DCLK3: variants seen among roughly 807,000 people sequenced by gnomAD.
DCLK3 encodes serine/threonine-protein kinase DCLK3.
DCLK3 carries 30 observed loss-of-function variants against 46.4 expected under a neutral mutation model. The ratio of observed to expected loss-of-function variants is 0.65; its 90% CI spans 0.48 to 0.88. The LOEUF is 0.88. Among genes scored for constraint, DCLK3 ranks in the 40% least tolerant of loss-of-function variants. The pLI, the probability that DCLK3 is intolerant of heterozygous loss-of-function variation, is 0.00. For synonymous variants in DCLK3, 401 were observed against 339.2 expected, an observed-to-expected ratio of 1.18 and a Z score of -2.00; for missense variants, 846 against 907.1, an observed-to-expected ratio of 0.93 and a Z score of 0.87.
intron 2 of DCLK3, among the ~76,000 whole-genome samples, chr3:36,730,159 G>T (rs1421037582): frequency 6.6e-6 from 1 of 151,080 alleles, no homozygotes; most frequent in African/African-American, 2.4e-5. Flanking sequence ...GACAGAGTCA[G>T]ACTGTCTCAA....
In DCLK3 at chr3:36,737,726, T is replaced by C. The variant is rs929586893; in HGVS notation, c.1441A>G (p.Thr481Ala). Reference sequence around the variant, plus strand: ...TTTGCAGGTTGGTCATCTCTGAGAGTCATCCTTCTGCCTCCAGACATACAT... The same window carrying C: ...TTTGCAGGTTGGTCATCTCTGAGAGCCATCCTTCTGCCTCCAGACATACAT... ...KPCMSGGRRM[T>A]LRDDQPAKLE... Residue 481 changes from threonine (T) to alanine (A), a missense_variant, in exon 2 of 5, where the codon ACT becomes GCT. By Grantham distance (58) the Thr-to-Ala change is moderately conservative (BLOSUM62 0). This residue lies in a region of DCLK3 where 553 missense variants were observed against 543.0 expected (regional missense o/e 1.02). Transcript: ENST00000636136. This position sits in a 1 kb window ranked among gnomAD's most constrained non-coding sequence, Gnocchi z 4.4. The C allele has an allele frequency of 6.8e-6, 11 of 1,613,978 alleles. No individual in the cohort carries two copies. The highest frequency in any genetic ancestry group is 9.3e-6 in the Non-Finnish European group (11 of 1,180,026).
chr3:36,722,060 C>G (rs1701068255), intron 2 of DCLK3, among the ~76,000 whole-genome samples: 1 of 152,128 alleles, frequency 6.6e-6, no homozygotes, highest in Admixed American at 6.5e-5. Flanking sequence ...GGCTATTAGA[C>G]AGCATTGACT....
Position 36,737,709 on chromosome 3 carries a change from T to G in DCLK3, c.1458A>C (p.Gln486His). Residue 486 changes from glutamine (Q) to histidine (H), a missense_variant, in exon 2 of 5, where the codon CAA becomes CAC. By Grantham distance (24) the Gln-to-His change is conservative. Coordinates refer to ENST00000636136, the MANE Select transcript of DCLK3 (RefSeq NM_001394672.2). This position sits in a 1 kb window ranked among gnomAD's most constrained non-coding sequence, Gnocchi z 4.4. ...GGRRMTLRDD[Q>H]PAKLEKEPKT... Reference sequence around the variant, plus strand: ...TGGGCTCCTTTTCTAGCTTTGCAGGTTGGTCATCTCTGAGAGTCATCCTTC... The same window carrying G: ...TGGGCTCCTTTTCTAGCTTTGCAGGGTGGTCATCTCTGAGAGTCATCCTTC... 1 of 1,614,004 alleles carries G rather than the reference T, an allele frequency of 6.2e-7. No individual in the cohort carries two copies. Among genetic ancestry groups the G allele is most frequent in the Non-Finnish European group, 8.5e-7 (1 of 1,179,994 alleles).
rs1701059298 is a variant in DCLK3, at chr3:36,721,634, G to T, written c.1985C>A (p.Thr662Asn). 1 of 1,614,128 alleles carries T rather than the reference G, an allele frequency of 6.2e-7. No homozygotes were observed. The change falls in exon 3 of 5, where the codon ACT becomes AAT. Residue 662 changes from threonine (T) to asparagine (N), a missense_variant. Thr to Asn is a moderately conservative substitution (Grantham distance 65, BLOSUM62 0). Coordinates refer to ENST00000636136, the MANE Select transcript of DCLK3 (RefSeq NM_001394672.2). The part of the protein sequence containing the change: ...LLVQRNEDKS[T>N]TLKLADFGLA... ...TCCAAAATCAGCCAATTTCAAGGTA[G>T]TAGATTTGTCCTCATTTCGCTGAAC...
intron 1 of DCLK3, 76 bp from the exon 2 acceptor site, chr3:36,739,160 T>C (rs1449845936): frequency 7.5e-6 from 3 of 397,576 alleles, no homozygotes; most frequent in South Asian, 1.4e-4. Flanking sequence ...AAAACTTTAC[T>C]AAAGATGACT....
chr3:36,758,304 T>C (rs916838697), intron 1 of DCLK3, among the ~76,000 whole-genome samples: 1 of 152,240 alleles, frequency 6.6e-6, no homozygotes, highest in South Asian at 2.1e-4. Flanking sequence ...TGCTACCACA[T>C]AATTTCACCA....
At chr3:36,721,098 G>A (rs886590504) in intron 3 of DCLK3, among the ~76,000 whole-genome samples, 1 of 152,176 alleles carries the variant, frequency 6.6e-6, no homozygotes, top group South Asian at 2.1e-4. Flanking sequence ...GTTCATGGAG[G>A]AAAATGGGAT....
At chr3:36,730,614 T>C (rs1701188200) in intron 2 of DCLK3, among the ~76,000 whole-genome samples, 1 of 152,112 alleles carries the variant, frequency 6.6e-6, no homozygotes, top group Non-Finnish European at 1.5e-5. Context: ...TAAGTACACA[T>C]GGCTATTGGT....
rs1412569099 is a variant in DCLK3, at chr3:36,714,446, T to C, written c.*882A>G. The stretch of plus-strand genomic sequence containing the variant: ...TTTCAGCACAGAAATCTGGAATGTG[T>C]CCTGGGTGTATGCCCTGCAGGTAGG... On this transcript the variant is annotated 3_prime_UTR_variant, in exon 5 of 5. Coordinates refer to ENST00000636136, the MANE Select transcript of DCLK3 (RefSeq NM_001394672.2). The C allele has an allele frequency of 6.6e-6, 1 of 152,226 alleles. No homozygotes were observed. Among genetic ancestry groups the C allele is most frequent in the Non-Finnish European group, 1.5e-5 (1 of 68,046 alleles). The allele number at this position is 152,226 out of a possible 1,614,324, so 9.4% of individuals were successfully genotyped here. A position where few individuals can be genotyped will look rare whatever the true frequency, so the allele number is the denominator to read the frequency against.
At position 36,737,642 on chromosome 3, in the gene DCLK3, G is replaced by C. The variant is rs1265565429; in HGVS notation, c.1525C>G (p.Arg509Gly). ...EENKPERPSGRKPRPMGIIAA... is the reference protein window; with the variant it reads ...EENKPERPSGGKPRPMGIIAA... ...ATGATGCCCATGGGCCGTGGCTTCC[G>C]ACCGCTGGGCCGCTCTGGCTTGTTC... The change falls in exon 2 of 5, where the codon CGG becomes GGG. Residue 509 changes from arginine to glycine, a missense_variant. Coordinates refer to ENST00000636136, the MANE Select transcript of DCLK3 (RefSeq NM_001394672.2). This position sits in a 1 kb window ranked among gnomAD's most constrained non-coding sequence, Gnocchi z 4.4. 2 of 1,613,948 alleles carry C rather than the reference G, an allele frequency of 1.2e-6. No homozygotes were observed. Among genetic ancestry groups the C allele is most frequent in the African/African-American group, 1.3e-5 (1 of 75,044 alleles).
At chr3:36,724,327 T>C (rs1403028146) in intron 2 of DCLK3, among the ~76,000 whole-genome samples, 1 of 152,220 alleles carries the variant, frequency 6.6e-6, no homozygotes, top group Non-Finnish European at 1.5e-5. Flanking sequence ...GATGAGACTT[T>C]GGACTGTGGA....
At chr3:36,735,556 A>G (rs1459731101) in intron 2 of DCLK3, among the ~76,000 whole-genome samples, 1 of 152,192 alleles carries the variant, frequency 6.6e-6, no homozygotes, top group Non-Finnish European at 1.5e-5. Context: ...AGGCAAATGC[A>G]ACTGGGATGG....
chr3:36,719,428 G>T (rs1312871551), intron 3 of DCLK3, among the ~76,000 whole-genome samples: 3 of 152,136 alleles, frequency 2.0e-5, no homozygotes, highest in Admixed American at 1.3e-4. Flanking sequence ...GACCTCTTTT[G>T]GTCTTTTCTC....
intron 2 of DCLK3, among the ~76,000 whole-genome samples, chr3:36,732,015 A>G (rs1701205586): frequency 6.6e-6 from 1 of 152,192 alleles, no homozygotes. Flanking sequence ...TCACAAGAAT[A>G]TACTCTTTTA....
chr3:36,763,860 C>T (rs989668014), intron 1 of DCLK3, among the ~76,000 whole-genome samples: 8 of 152,226 alleles, frequency 5.3e-5, no homozygotes, highest in African/African-American at 1.4e-4. Context: ...CGCACCTGCA[C>T]CTTGAAAGAC....
At chr3:36,732,422 G>A (rs559229144) in intron 2 of DCLK3, among the ~76,000 whole-genome samples, 6 of 152,294 alleles carry the variant, frequency 3.9e-5, no homozygotes, top group Non-Finnish European at 8.8e-5. Context: ...CCTGGAAATT[G>A]CTGAAATGGA....
rs765395912 is a variant in DCLK3 at position 36,737,975 on chromosome 3, G to A, written c.1192C>T (p.Pro398Ser). 3.1e-6 allele frequency: 5 copies of A among 1,614,048 alleles called. No individual in the cohort carries two copies. Among genetic ancestry groups the A allele is most frequent in the South Asian group, 1.1e-5 (1 of 91,076 alleles). ...TGAGCATGGCTTTCTTGATCCTCTGGGCCTCTGTCCTCTTTCTTGTCCATG... is the reference window on the plus strand; with the variant it reads ...TGAGCATGGCTTTCTTGATCCTCTGAGCCTCTGTCCTCTTTCTTGTCCATG... ...KSMDKKEDRGPEDQESHAQGA... is the reference protein window; with the variant it reads ...KSMDKKEDRGSEDQESHAQGA... The change falls in exon 2 of 5, where the codon CCA (proline) becomes TCA (serine). Residue 398 changes from proline (P) to serine (S), a missense_variant. This residue lies in a region of DCLK3 where 553 missense variants were observed against 543.0 expected (regional missense o/e 1.02). Coordinates refer to ENST00000636136, the MANE Select transcript of DCLK3 (RefSeq NM_001394672.2). This position sits in a 1 kb window ranked among gnomAD's most constrained non-coding sequence, Gnocchi z 4.4.
At chr3:36,729,185 G>T (rs1354020236) in intron 2 of DCLK3, among the ~76,000 whole-genome samples, 1 of 145,538 alleles carries the variant, frequency 6.9e-6, no homozygotes, top group Non-Finnish European at 1.5e-5. Flanking sequence ...CCCATCAAAT[G>T]ACCCACTTCA....
At chr3:36,731,424 G>A (rs1701196661) in intron 2 of DCLK3, among the ~76,000 whole-genome samples, 1 of 149,882 alleles carries the variant, frequency 6.7e-6, no homozygotes, top group African/African-American at 2.5e-5. Context: ...TTTAGCTACT[G>A]TCCATTCTAT....
Sources: gnomAD v4.1 joint callset for allele counts (sites outside exome capture counted in the v4.1 genomes callset) on GRCh38, gnomAD v4.1.1 for gene constraint, gnomAD v4.1.1 regional missense constraint, Gnocchi (gnomAD v3.1) non-coding constraint, MANE v1.5 for transcripts, NCBI Gene and HGNC (gene_info 2026-07-23, HGNC 2026-07-21) for gene names.